The following SIRT1 variants were observed in gnomAD, a reference collection of about 807,000 sequenced individuals.
SIRT1 encodes NAD-dependent protein deacetylase sirtuin-1.
In SIRT1, 24 loss-of-function variants were observed where a neutral mutation model predicts 67.9. The ratio of observed to expected loss-of-function variants is 0.35; its 90% confidence interval spans 0.26 to 0.50. The LOEUF (loss-of-function observed/expected upper bound fraction) is 0.50, where lower values mean the gene tolerates loss of function less well. Among genes scored for constraint, SIRT1 ranks in the 20% least tolerant of loss-of-function variants. The pLI is 0.98. For missense variants in SIRT1, 873 were observed against 937.2 expected, an observed-to-expected ratio of 0.93 and a Z score of 0.89; for synonymous variants, 378 against 350.7, an observed-to-expected ratio of 1.08 and a Z score of -0.87.
chr10:67,914,681 G>A (rs913088322), intron 8 of SIRT1, among the ~76,000 whole-genome samples: 16 of 152,134 alleles, frequency 1.1e-4, no homozygotes, highest in Admixed American at 1.0e-3. Flanking sequence ...AGGAAACAGA[G>A]TTAACCTGGA....
chr10:67,893,368 A>C (rs1258377719), intron 4 of SIRT1, among the ~76,000 whole-genome samples: 4 of 151,598 alleles, frequency 2.6e-5, no homozygotes, highest in Non-Finnish European at 4.4e-5. Context: ...TTATTGTTCA[A>C]CTCTCACTTA....
rs555090081 is a variant in SIRT1 at position 67,894,630 on chromosome 10, AC to A, written c.942+3077del. ...ACTTGACTCACTAGTTATGGAGAAT[AC>A]ATTTTTTATTGTTAAACTGAAAAAA... is the stretch of plus-strand genomic sequence containing the variant. On this transcript the variant is annotated intron_variant, in intron 4 of 8. Coordinates refer to ENST00000212015, the MANE Select transcript of SIRT1 (RefSeq NM_012238.5). 6.4e-3 allele frequency among the ~76,000 whole-genome samples: 981 copies of A among 152,330 alleles called. 8 individuals carry two copies. The highest frequency in any genetic ancestry group is 0.023 in the African/African-American group (940 of 41,566).
chr10:67,913,795 A>G (rs1456500194), intron 8 of SIRT1, among the ~76,000 whole-genome samples: 1 of 152,160 alleles, frequency 6.6e-6, no homozygotes, highest in African/African-American at 2.4e-5. Context: ...GTCTCATTCC[A>G]TTTACCATAC....
At chr10:67,904,527 A>C (rs1842792119) in intron 4 of SIRT1, among the ~76,000 whole-genome samples, 1 of 152,180 alleles carries the variant, frequency 6.6e-6, no homozygotes, top group Non-Finnish European at 1.5e-5. Context: ...CAAAGACTCA[A>C]ATCATTCAGA....
intron 4 of SIRT1, among the ~76,000 whole-genome samples, chr10:67,900,775 G>A (rs917500520): frequency 3.3e-5 from 5 of 152,102 alleles, no homozygotes; most frequent in Non-Finnish European, 7.3e-5. Flanking sequence ...GATGACTGCT[G>A]GTTACTACTG....
Position 67,918,008 on chromosome 10 carries a change from A to G in SIRT1, c.*1415A>G, listed in dbSNP as rs994852183. 6.6e-6 allele frequency: 1 copy of G among 152,562 alleles called. No individual in the cohort carries two copies. Among genetic ancestry groups the G allele is most frequent in the Admixed American group, 6.5e-5 (1 of 15,278 alleles). The allele number at this position is 152,562 out of a possible 1,614,324, so 9.5% of individuals were successfully genotyped here. A position where few individuals can be genotyped will look rare whatever the true frequency, so the allele number is the denominator to read the frequency against. On this transcript the variant is annotated 3_prime_UTR_variant, in exon 9 of 9. Coordinates refer to ENST00000212015, the MANE Select transcript of SIRT1 (RefSeq NM_012238.5). Reference sequence around the variant, plus strand: ...AATATAGCTGTTCTTTATGCATAAAACACCCAGCTAGGACCATTACTGCCA... The same window carrying G: ...AATATAGCTGTTCTTTATGCATAAAGCACCCAGCTAGGACCATTACTGCCA...
At chr10:67,901,517 A>T (rs1842744730) in intron 4 of SIRT1, among the ~76,000 whole-genome samples, 1 of 152,216 alleles carries the variant, frequency 6.6e-6, no homozygotes, top group South Asian at 2.1e-4. Context: ...GTAAATATGT[A>T]GTATGCTTTG....
intron 4 of SIRT1, among the ~76,000 whole-genome samples, chr10:67,901,120 C>T (rs1445114149): frequency 6.6e-6 from 1 of 151,932 alleles, no homozygotes; most frequent in African/African-American, 2.4e-5. Context: ...AAATTGAAGA[C>T]AGTAAATACT....
At chr10:67,893,085 A>G (rs1213263023) in intron 4 of SIRT1, among the ~76,000 whole-genome samples, 1 of 152,226 alleles carries the variant, frequency 6.6e-6, no homozygotes, top group African/African-American at 2.4e-5. Flanking sequence ...AAGAAATTAC[A>G]AAATTTGTTA....
intron 4 of SIRT1, among the ~76,000 whole-genome samples, chr10:67,893,260 A>AT (rs1175698523): frequency 6.6e-6 from 1 of 152,246 alleles, no homozygotes; most frequent in East Asian, 1.9e-4. Flanking sequence ...TAAGCCCCAC[A>AT]TTCATTAGGT....
chr10:67,911,383 G>A (rs902361231), intron 7 of SIRT1, among the ~76,000 whole-genome samples: 5 of 151,858 alleles, frequency 3.3e-5, no homozygotes, highest in Admixed American at 6.6e-5. Context: ...TTGTAGAAAC[G>A]GGATTCACTT....
intron 3 of SIRT1, among the ~76,000 whole-genome samples, chr10:67,890,757 G>A (rs999939410): frequency 4.6e-5 from 7 of 151,342 alleles, no homozygotes; most frequent in East Asian, 1.9e-4. Context: ...AAAGCCGGGC[G>A]CGGTGGCTCA....
intron 4 of SIRT1, among the ~76,000 whole-genome samples, chr10:67,898,709 G>A (rs1227811281): frequency 2.0e-5 from 3 of 151,986 alleles, no homozygotes; most frequent in Non-Finnish European, 2.9e-5. Context: ...AGTGGCTTGC[G>A]ACTGTAGTCC....
At chr10:67,903,403 G>C (rs1406548020) in intron 4 of SIRT1, among the ~76,000 whole-genome samples, 1 of 119,958 alleles carries the variant, frequency 8.3e-6, no homozygotes, top group Non-Finnish European at 1.8e-5. Context: ...TTTTTTTTTT[G>C]AGATGGAGTC....
intron 4 of SIRT1, among the ~76,000 whole-genome samples, chr10:67,902,150 G>A (rs550897523): frequency 6.2e-4 from 94 of 152,172 alleles, no homozygotes; most frequent in African/African-American, 2.0e-3. Flanking sequence ...CTCCACGCCC[G>A]GCTAGTTATT....
At chr10:67,904,719 C>T (rs35781687) in intron 4 of SIRT1, among the ~76,000 whole-genome samples, 4 of 152,016 alleles carry the variant, frequency 2.6e-5, no homozygotes, top group African/African-American at 9.7e-5. Context: ...TGGCACATGC[C>T]TGTAATCCCA....
chr10:67,908,951 G>T (rs1054040198), intron 6 of SIRT1, among the ~76,000 whole-genome samples: 6 of 151,426 alleles, frequency 4.0e-5, no homozygotes, highest in African/African-American at 1.5e-4. Flanking sequence ...ATTTTTTTTT[G>T]AAAGGATCAA....
In SIRT1 at chr10:67,903,080, G is replaced by A. The variant is rs34190217; in HGVS notation, c.943-3710G>A. 5.9e-5 allele frequency among the ~76,000 whole-genome samples: 9 copies of A among 152,172 alleles called. No homozygotes were observed. The South Asian group carries it at 1.0e-3, about 18-fold the overall frequency. On this transcript the variant is annotated intron_variant, in intron 4 of 8. Transcript: ENST00000212015. ...TGCACTCCATCCTGGGTGACAGAGC[G>A]AGACTCTCAAAAAAAAAGGTGGGTG...
intron 4 of SIRT1, among the ~76,000 whole-genome samples, chr10:67,892,623 A>G (rs1842591509): frequency 6.6e-6 from 1 of 150,600 alleles, no homozygotes; most frequent in South Asian, 2.1e-4. Flanking sequence ...TTTTTTTGAG[A>G]AGTAGTCTTC....
Sources: allele counts gnomAD v4.1 joint callset (sites outside exome capture counted in the v4.1 genomes callset), GRCh38; gene constraint gnomAD v4.1.1; transcripts MANE v1.5; gene names NCBI Gene and HGNC (gene_info 2026-07-23, HGNC 2026-07-21).